Variants in EFCAB6 observed in about 807,000 individuals in gnomAD.
EFCAB6 encodes the protein EF-hand calcium-binding domain-containing protein 6.
Under a neutral mutation model 169.8 loss-of-function variants are expected in EFCAB6, and 156 were observed. That is an observed-to-expected ratio of 0.92 (90% confidence interval 0.81 to 1.05). The LOEUF (loss-of-function observed/expected upper bound fraction) is 1.05. EFCAB6 is among the 50% of genes least tolerant of loss of function. EFCAB6 has a pLI of 0.00. For missense variants in EFCAB6, 1,800 were observed against 1,829.1 expected (o/e 0.98, Z 0.29); for synonymous variants, 698 against 676.4 (o/e 1.03, Z -0.50).
intron 8 of EFCAB6, among the ~76,000 whole-genome samples, chr22:43,723,008 G>A (rs1415833123): frequency 3.3e-5 from 5 of 152,132 alleles, no homozygotes; most frequent in Non-Finnish European, 1.5e-5. Flanking sequence ...AACATTGAAC[G>A]AAGTTTATTC....
At chr22:43,810,065 G>A (rs2063058819) in intron 1 of EFCAB6, among the ~76,000 whole-genome samples, 1 of 151,922 alleles carries the variant, frequency 6.6e-6, no homozygotes, top group Non-Finnish European at 1.5e-5. Context: ...CATAGATATG[G>A]GGGGGGTCTG....
At chr22:43,576,920 G>A (rs973450605) in intron 25 of EFCAB6, among the ~76,000 whole-genome samples, 3 of 152,162 alleles carry the variant, frequency 2.0e-5, no homozygotes, top group Non-Finnish European at 4.4e-5. Flanking sequence ...GCTCAGGAGA[G>A]ACCCCACCGC....
intron 27 of EFCAB6, among the ~76,000 whole-genome samples, chr22:43,549,033 CAGAA>C (rs2048238168): frequency 6.6e-6 from 1 of 152,066 alleles, no homozygotes; most frequent in Non-Finnish European, 1.5e-5. Flanking sequence ...TTATGGATCA[CAGAA>C]GGAATCAAAA....
At chr22:43,787,948 T>A (rs1293272771) in intron 2 of EFCAB6, among the ~76,000 whole-genome samples, 1 of 152,206 alleles carries the variant, frequency 6.6e-6, no homozygotes, top group Non-Finnish European at 1.5e-5. Flanking sequence ...AAATAAACTT[T>A]TACATTTATC....
At chr22:43,568,821 G>A (rs553098529) in intron 26 of EFCAB6, among the ~76,000 whole-genome samples, 4 of 152,292 alleles carry the variant, frequency 2.6e-5, no homozygotes, top group African/African-American at 9.6e-5. Context: ...AAATTAAAAC[G>A]ATTACGAGAA....
intron 5 of EFCAB6, among the ~76,000 whole-genome samples, chr22:43,758,559 G>A (rs886936350): frequency 6.6e-6 from 1 of 152,162 alleles, no homozygotes; most frequent in Non-Finnish European, 1.5e-5. Flanking sequence ...ATTGTCTAAT[G>A]TTTTAACTCT....
At chr22:43,665,681 C>T (rs1459802477) in intron 17 of EFCAB6, among the ~76,000 whole-genome samples, 4 of 152,232 alleles carry the variant, frequency 2.6e-5, no homozygotes, top group Admixed American at 1.3e-4. Flanking sequence ...CTACCACTCA[C>T]TCCATTGAAA....
At position 43,632,107 on chromosome 22, in the gene EFCAB6, G is replaced by T. The variant is rs779631440; in HGVS notation, c.2230C>A (p.Arg744=). The change falls in exon 19 of 32, where the codon CGG becomes AGG. Residue 744 remains arginine (R), a splice_region_variant and synonymous_variant. Coordinates refer to ENST00000262726, the MANE Select transcript of EFCAB6 (RefSeq NM_022785.4). ...AGCGCCAGACAGTCACGGTTTACCC[G>T]GAATGACTCCTTCAGCCTCCTAGGG... ...LFPRRLKESF[R]DPYSAFFKTD... The T allele has an allele frequency of 8.7e-6, 14 of 1,613,688 alleles. No individual in the cohort carries two copies. In the Admixed American group the frequency reaches 1.0e-4, roughly 12 times the overall value.
intron 24 of EFCAB6, among the ~76,000 whole-genome samples, chr22:43,586,366 T>TTG (rs2051071123): frequency 8.0e-6 from 1 of 125,444 alleles, no homozygotes; most frequent in East Asian, 2.2e-4. Context: ...TTTTTTTTTT[T>TTG]GTGACGTGGT....
rs566688606 is a variant in EFCAB6, at chr22:43,546,425, C to T, written c.3649-6068G>A. Reference sequence around the variant, plus strand: ...CACACAGTTTCAGATGCAGTAGACACGTCTGGCAGAACATAAAGGCGCGGC... The same window carrying T: ...CACACAGTTTCAGATGCAGTAGACATGTCTGGCAGAACATAAAGGCGCGGC... On this transcript the variant is annotated intron_variant, in intron 27 of 31. Transcript: ENST00000262726. Among the ~76,000 whole-genome samples the T allele has an allele frequency of 3.9e-5, 6 of 152,186 alleles. No individual in the cohort carries two copies. In the East Asian group the frequency reaches 5.8e-4, roughly 15 times the overall value.
chr22:43,637,758 C>G lies in EFCAB6; in HGVS notation c.1984-2542G>C, dbSNP rs1020246080. Among the ~76,000 whole-genome samples the G allele has an allele frequency of 2.0e-5, 3 of 152,216 alleles. No homozygotes were observed. In the South Asian group the frequency reaches 6.2e-4, roughly 31 times the overall value. On this transcript the variant is annotated intron_variant, in intron 17 of 31. Transcript: ENST00000262726. Reference sequence around the variant, plus strand: ...GGCCCAGCTCTGCAGAGGAGCCTGTCCCAGCACAGGATGGCACTGGTGTTC... The same window carrying G: ...GGCCCAGCTCTGCAGAGGAGCCTGTGCCAGCACAGGATGGCACTGGTGTTC...
intron 8 of EFCAB6, among the ~76,000 whole-genome samples, chr22:43,724,887 T>C (rs551222436): frequency 5.0e-4 from 76 of 152,354 alleles, no homozygotes; most frequent in Non-Finnish European, 8.4e-4. Flanking sequence ...TTTCCAGTTA[T>C]CTGTATGGCA....
At chr22:43,622,347 T>A (rs2054167515) in intron 20 of EFCAB6, among the ~76,000 whole-genome samples, 1 of 152,158 alleles carries the variant, frequency 6.6e-6, no homozygotes, top group African/African-American at 2.4e-5. Context: ...GGTGGACCAC[T>A]TGAGGTCAGG....
intron 2 of EFCAB6, among the ~76,000 whole-genome samples, chr22:43,790,461 T>C (rs1028249676): frequency 6.6e-6 from 1 of 152,130 alleles, no homozygotes; most frequent in Non-Finnish European, 1.5e-5. Flanking sequence ...AGGCAGGCAA[T>C]AAACAAATTA....
At chr22:43,541,946 T>G (rs2047756214) in intron 27 of EFCAB6, among the ~76,000 whole-genome samples, 1 of 152,258 alleles carries the variant, frequency 6.6e-6, no homozygotes, top group African/African-American at 2.4e-5. Flanking sequence ...GAGACTCACA[T>G]GGTCAGACTG....
At chr22:43,647,415 C>T (rs548311725) in intron 17 of EFCAB6, among the ~76,000 whole-genome samples, 1 of 152,286 alleles carries the variant, frequency 6.6e-6, no homozygotes, top group East Asian at 1.9e-4. Context: ...ATTAATTCTA[C>T]AGATGTTTTG....
chr22:43,796,751 C>T (rs991136112), intron 2 of EFCAB6, among the ~76,000 whole-genome samples: 1 of 152,196 alleles, frequency 6.6e-6, no homozygotes, highest in African/African-American at 2.4e-5. Context: ...AAGCCAAATC[C>T]AAGCAAGTCC....
intron 2 of EFCAB6, among the ~76,000 whole-genome samples, chr22:43,794,837 T>C (rs1033847747): frequency 6.6e-6 from 1 of 152,222 alleles, no homozygotes; most frequent in African/African-American, 2.4e-5. Context: ...GTTCTAAACA[T>C]AGGAATTATA....
chr22:43,671,830 A>G (rs952938243), intron 15 of EFCAB6, 143 bp downstream of exon 15: 3 of 942,502 alleles, frequency 3.2e-6, no homozygotes, highest in Non-Finnish European at 4.7e-6. Context: ...AGCAATGTCC[A>G]GTGCTAAGCA....
Sources: allele counts gnomAD v4.1 joint callset (sites outside exome capture counted in the v4.1 genomes callset), GRCh38; gene constraint gnomAD v4.1.1; transcripts MANE v1.5; gene names NCBI Gene and HGNC (gene_info 2026-07-23, HGNC 2026-07-21).